The following PLEKHM3 variants were observed in gnomAD, a reference collection of about 807,000 sequenced individuals.
PLEKHM3 encodes pleckstrin homology domain-containing family M member 3.
A neutral mutation model predicts 81.8 loss-of-function variants in PLEKHM3; 45 were observed. That is an observed-to-expected ratio of 0.55 (90% confidence interval 0.43 to 0.71). The LOEUF (loss-of-function observed/expected upper bound fraction) is 0.71, where lower values mean the gene tolerates loss of function less well. Among genes scored for constraint, PLEKHM3 ranks in the 30% least tolerant of loss-of-function variants. The pLI is 0.00. For synonymous variants in PLEKHM3, 352 were observed against 356.4 expected (o/e 0.99, Z 0.14); for missense variants, 788 against 924.3 (o/e 0.85, Z 1.91).
At chr2:208,024,142 C>CAAAATGAAAT (rs1693225728) in intron 1 of PLEKHM3, among the ~76,000 whole-genome samples, 1 of 137,716 alleles carries the variant, frequency 7.3e-6, no homozygotes, top group African/African-American at 2.8e-5. Flanking sequence ...GACCCTGTCT[C>CAAAATGAAAT]AAAATAAAAT....
intron 7 of PLEKHM3, among the ~76,000 whole-genome samples, chr2:207,856,314 A>G (rs2092437468): frequency 6.6e-6 from 1 of 152,186 alleles, no homozygotes; most frequent in South Asian, 2.1e-4. Context: ...ATATCGATAT[A>G]TCATTATTAA....
intron 3 of PLEKHM3, among the ~76,000 whole-genome samples, chr2:207,970,547 T>C (rs983297610): frequency 2.6e-5 from 4 of 152,326 alleles, no homozygotes; most frequent in East Asian, 1.9e-4. Flanking sequence ...TCATTTTTCA[T>C]TGGTCATTAC....
chr2:207,828,523 G>A, intron 7 of PLEKHM3, 27 bp from the exon 8 acceptor site: 3 of 1,606,736 alleles, frequency 1.9e-6, no homozygotes, highest in East Asian at 2.2e-5. Flanking sequence ...TGGATATGAT[G>A]AGCAAGACTG....
At chr2:207,878,305 T>TTA (rs1553547883) in intron 6 of PLEKHM3, among the ~76,000 whole-genome samples, 5 of 148,646 alleles carry the variant, frequency 3.4e-5, no homozygotes, top group African/African-American at 4.9e-5. Context: ...CAGTGAGCAT[T>TTA]AAAAAAAAAA....
Position 207,899,690 on chromosome 2 carries a change from T to C in PLEKHM3, c.1950+8824A>G, listed in dbSNP as rs1233304223. 2.6e-5 allele frequency among the ~76,000 whole-genome samples: 4 copies of C among 152,326 alleles called. No individual in the cohort carries two copies. The South Asian group carries it at 6.2e-4, about 24-fold the overall frequency. On this transcript the variant is annotated intron_variant, in intron 6 of 7. Coordinates refer to ENST00000427836, the MANE Select transcript of PLEKHM3 (RefSeq NM_001080475.3). ...TGAGGGAAGTGAAGCGATACCGTTT[T>C]ACTCATTCTACGAATGTTTTGTTGA...
chr2:207,940,184 GA>G (rs1253139614), intron 4 of PLEKHM3, among the ~76,000 whole-genome samples: 4 of 152,154 alleles, frequency 2.6e-5, no homozygotes, highest in Non-Finnish European at 5.9e-5. Flanking sequence ...CCTTTATAGA[GA>G]AAATAGACAA....
intron 5 of PLEKHM3, among the ~76,000 whole-genome samples, chr2:207,921,456 A>G (rs1316849827): frequency 6.6e-6 from 1 of 152,254 alleles, no homozygotes; most frequent in Non-Finnish European, 1.5e-5. Context: ...TATAATAATC[A>G]AATCAGGGTA....
At chr2:207,863,078 T>A (rs1270521210) in intron 6 of PLEKHM3, among the ~76,000 whole-genome samples, 2 of 152,142 alleles carry the variant, frequency 1.3e-5, no homozygotes, top group African/African-American at 4.8e-5. Flanking sequence ...GGGAGAAAGA[T>A]CTCCTTCAAT....
intron 2 of PLEKHM3, among the ~76,000 whole-genome samples, chr2:207,992,083 T>C (rs930555850): frequency 1.3e-5 from 2 of 152,182 alleles, no homozygotes; most frequent in Non-Finnish European, 2.9e-5. Context: ...GTGGGCAAGT[T>C]GAGAGTGGAA....
chr2:207,912,579 T>G (rs1365929645), intron 5 of PLEKHM3, among the ~76,000 whole-genome samples: 2 of 152,226 alleles, frequency 1.3e-5, no homozygotes, highest in Admixed American at 6.5e-5. Flanking sequence ...TTAAGAGAGA[T>G]AATGCCAATC....
intron 4 of PLEKHM3, among the ~76,000 whole-genome samples, chr2:207,944,840 T>A (rs1690069109): frequency 6.6e-6 from 1 of 152,150 alleles, no homozygotes; most frequent in African/African-American, 2.4e-5. Flanking sequence ...TCTGGATAGT[T>A]TACACCAGCA....
intron 7 of PLEKHM3, among the ~76,000 whole-genome samples, chr2:207,832,399 T>G (rs552886930): frequency 6.6e-6 from 1 of 152,190 alleles, no homozygotes; most frequent in Non-Finnish European, 1.5e-5. Flanking sequence ...TATGGAGCCC[T>G]GTAATAAAAA....
chr2:207,865,802 AG>A (rs1254720182), intron 6 of PLEKHM3, among the ~76,000 whole-genome samples: 10,236 of 40,642 alleles, frequency 0.25, 2,879 homozygotes, highest in African/African-American at 0.31. Context: ...AAAAAAAAAA[AG>A]ATATATATAT....
intron 7 of PLEKHM3, chr2:207,852,858 GA>G (rs35197426): frequency 2.7e-4 from 104 of 385,168 alleles, no homozygotes; most frequent in Middle Eastern, 1.5e-3. Flanking sequence ...AAGAAAAAAA[GA>G]AAAAAAAAAC....
chr2:207,882,903 C>A (rs760512462), intron 6 of PLEKHM3, among the ~76,000 whole-genome samples: 1 of 152,086 alleles, frequency 6.6e-6, no homozygotes, highest in Non-Finnish European at 1.5e-5. Flanking sequence ...TGCCCGCCAC[C>A]ATGCCCAGCT....
chr2:208,011,784 AC>A (rs1490790838), intron 1 of PLEKHM3, among the ~76,000 whole-genome samples: 10 of 126,224 alleles, frequency 7.9e-5, no homozygotes, highest in African/African-American at 3.1e-4. Flanking sequence ...GCTCTGATAA[AC>A]TTTTTTTTTT....
Position 207,840,799 on chromosome 2 carries a change from GTTTTTTTTTT to G in PLEKHM3, c.2109-12313_2109-12304del, listed in dbSNP as rs1221570591. Among the ~76,000 whole-genome samples, 4 of 109,796 alleles carry G rather than the reference GTTTTTTTTTT, an allele frequency of 3.6e-5. No individual in the cohort carries two copies. In the Admixed American group the frequency reaches 3.9e-4, roughly 11 times the overall value. The allele number at this position is 109,796 out of a possible 152,430, so 72.0% of individuals were successfully genotyped here. A position where few individuals can be genotyped will look rare whatever the true frequency, so the allele number is the denominator to read the frequency against. The stretch of plus-strand genomic sequence containing the variant: ...ATTTTAAGCATTTAACACTTTTTAT[GTTTTTTTTTT>G]TTTTTTTTTTTTTGAGACAGAGTCT... On this transcript the variant is annotated intron_variant, in intron 7 of 7. Coordinates refer to ENST00000427836, the MANE Select transcript of PLEKHM3 (RefSeq NM_001080475.3).
rs541060387 is a variant in PLEKHM3 at position 207,852,202 on chromosome 2, A to T, written c.2108+8903T>A. ...GGTGCAGAAGTAGCAGTAAGATATA[A>T]TGGAAAAAACATGGATTTTGGAGTC... On this transcript the variant is annotated intron_variant, in intron 7 of 7. Transcript: ENST00000427836. Among the ~76,000 whole-genome samples, 45 of 152,300 alleles carry T rather than the reference A, an allele frequency of 3.0e-4. 1 individual carries two copies. In the South Asian group the frequency reaches 8.9e-3, roughly 30 times the overall value.
chr2:207,822,990 G>C lies in PLEKHM3; in HGVS notation c.*5329C>G, dbSNP rs1430814519. 6.6e-6 allele frequency: 1 copy of C among 152,322 alleles called. No homozygotes were observed. Among genetic ancestry groups the C allele is most frequent in the East Asian group, 1.9e-4 (1 of 5,190 alleles). The allele number at this position is 152,322 out of a possible 1,614,324, so 9.4% of individuals were successfully genotyped here. On this transcript the variant is annotated 3_prime_UTR_variant, in exon 8 of 8. Coordinates refer to ENST00000427836, the MANE Select transcript of PLEKHM3 (RefSeq NM_001080475.3). ...AAGATCCAGGGAAAAGAGAGAGGCT[G>C]GTTTGCAGCTTCACGGCCAATAGGA... is the stretch of plus-strand genomic sequence containing the variant.
Sources: gnomAD v4.1 joint callset for allele counts (sites outside exome capture counted in the v4.1 genomes callset) on GRCh38, gnomAD v4.1.1 for gene constraint, MANE v1.5 for transcripts, NCBI Gene and HGNC (gene_info 2026-07-23, HGNC 2026-07-21) for gene names.